ACOT11: variants seen among roughly 807,000 people sequenced by gnomAD.
ACOT11 encodes acyl-coenzyme A thioesterase 11.
A neutral mutation model predicts 77.5 loss-of-function variants in ACOT11; 69 were observed. The ratio of observed to expected loss-of-function variants is 0.89; its 90% confidence interval spans 0.73 to 1.09. The LOEUF is 1.09. ACOT11 is among the 50% of genes least tolerant of loss of function. The probability of loss-of-function intolerance (pLI) is 0.00; values close to 1 mark genes in which losing one functional copy is unlikely to be tolerated. For synonymous variants in ACOT11, 279 were observed against 313.0 expected (o/e 0.89, Z 1.15); for missense variants, 766 against 813.7 (o/e 0.94, Z 0.71).
intron 2 of ACOT11, 65 bp from the exon 3 acceptor site, chr1:54,585,770 C>A: frequency 6.4e-7 from 1 of 1,560,012 alleles, no homozygotes; most frequent in South Asian, 1.1e-5. Context: ...GAGGAGGTGC[C>A]ATCTGAGCAG....
At chr1:54,618,247 T>C (rs1644195569) in intron 15 of ACOT11, among the ~76,000 whole-genome samples, 1 of 152,138 alleles carries the variant, frequency 6.6e-6, no homozygotes, top group South Asian at 2.1e-4. Flanking sequence ...CTCAGACCTG[T>C]AATCCTAGCA....
At chr1:54,620,039 T>A (rs1464066362) in intron 15 of ACOT11, 1 of 1,607,732 alleles carries the variant, frequency 6.2e-7, no homozygotes. Context: ...TGTTAGCGTC[T>A]GTCCTCGCCC....
chr1:54,560,321 AG>A (rs1653422615), intron 1 of ACOT11, among the ~76,000 whole-genome samples: 1 of 152,136 alleles, frequency 6.6e-6, no homozygotes. Flanking sequence ...TTTCTGGGTT[AG>A]GAAGAATGAT....
At chr1:54,587,732 T>G (rs1219555898) in intron 3 of ACOT11, among the ~76,000 whole-genome samples, 1 of 150,586 alleles carries the variant, frequency 6.6e-6, no homozygotes, top group Non-Finnish European at 1.5e-5. Flanking sequence ...CAGCTAATTT[T>G]TGTATTTTTA....
At chr1:54,561,910 G>T (rs1411792134) in intron 1 of ACOT11, among the ~76,000 whole-genome samples, 1 of 108,340 alleles carries the variant, frequency 9.2e-6, no homozygotes, top group East Asian at 2.8e-4. Context: ...GGGCAGGGGG[G>T]CTGACCCCCC....
At chr1:54,562,261 C>G (rs1236055980) in intron 1 of ACOT11, among the ~76,000 whole-genome samples, 1 of 103,244 alleles carries the variant, frequency 9.7e-6, no homozygotes. Flanking sequence ...GCTGGCCAGG[C>G]GGGGGGCTGA....
intron 11 of ACOT11, among the ~76,000 whole-genome samples, 159 bp downstream of exon 11, chr1:54,604,096 T>C (rs1643996649): frequency 1.3e-5 from 2 of 152,102 alleles, no homozygotes; most frequent in African/African-American, 4.8e-5. Flanking sequence ...TGCGTCCCTG[T>C]TTGGTAGGTG....
chr1:54,582,492 CAAGGCA>C, intron 1 of ACOT11: 1 of 985,406 alleles, frequency 1.0e-6, no homozygotes. Flanking sequence ...AACCAGTGAG[CAAGGCA>C]CAGGTCCTGG....
rs1294729570 is a variant in ACOT11 at position 54,609,283 on chromosome 1, A to G, written c.*171A>G. ...CCCTGGGTGCTCAGTTTCTACCAAC[A>G]TGAGCCAGCAAGTCCTTGTGGTAGC... On this transcript the variant is annotated 3_prime_UTR_variant, in exon 16 of 16. Transcript: ENST00000343744. 1.2e-6 allele frequency: 2 copies of G among 1,605,924 alleles called. No individual in the cohort carries two copies. Among genetic ancestry groups the G allele is most frequent in the Non-Finnish European group, 8.5e-7 (1 of 1,174,160 alleles).
chr1:54,594,102 T>C, intron 5 of ACOT11, 63 bp downstream of exon 5: 1 of 1,483,228 alleles, frequency 6.7e-7, no homozygotes, highest in Non-Finnish European at 9.3e-7. Flanking sequence ...CCATGGCGAG[T>C]CTGGCTCAGG....
chr1:54,609,104 A>G lies in ACOT11; in HGVS notation c.1777A>G (p.Thr593Ala). The G allele has an allele frequency of 1.2e-6, 2 of 1,613,816 alleles. No individual in the cohort carries two copies. The highest frequency in any genetic ancestry group is 4.5e-5 in the East Asian group (2 of 44,878). Reference protein sequence around the residue: ...NRNDLAPSLQTL With the variant: ...NRNDLAPSLQAL Reference sequence around the variant, plus strand: ...GAATGATCTGGCCCCCAGCCTCCAGACCCTCTAGATGCCCTCAGTGGCCAC... The same window carrying G: ...GAATGATCTGGCCCCCAGCCTCCAGGCCCTCTAGATGCCCTCAGTGGCCAC... The change falls in exon 16 of 16, where the codon ACC (threonine) becomes GCC (alanine). Residue 593 changes from threonine (T) to alanine (A), a missense_variant. Transcript: ENST00000343744.
At chr1:54,592,643 G>T in intron 4 of ACOT11, 37 bp downstream of exon 4, 1 of 1,606,866 alleles carries the variant, frequency 6.2e-7, no homozygotes, top group South Asian at 1.1e-5. Context: ...GTGGGTGCGT[G>T]GGTGGGTCCT....
chr1:54,563,975 A>G lies in ACOT11; in HGVS notation c.33+15633A>G, dbSNP rs540829710. On this transcript the variant is annotated intron_variant, in intron 1 of 15. Transcript: ENST00000343744. ...CAGCTACTCGGGAGGCTGAGGCAGG[A>G]GAATCGCTTGAACCCAGAAGGCGGA... Among the ~76,000 whole-genome samples the G allele has an allele frequency of 4.0e-5, 6 of 151,888 alleles. No individual in the cohort carries two copies. The South Asian group carries it at 1.2e-3, about 32-fold the overall frequency.
chr1:54,618,094 G>T (rs1477128061), intron 15 of ACOT11, among the ~76,000 whole-genome samples: 1 of 151,896 alleles, frequency 6.6e-6, no homozygotes, highest in African/African-American at 2.4e-5. Flanking sequence ...CCACACGTTG[G>T]GTAGCAAGGC....
chr1:54,605,170 C>T lies in ACOT11; in HGVS notation c.1331C>T (p.Ser444Leu), dbSNP rs1247004367. 26 of 1,613,716 alleles carry T rather than the reference C, an allele frequency of 1.6e-5. No homozygotes were observed. The highest frequency in any genetic ancestry group is 4.0e-5 in the African/African-American group (3 of 74,932). The change falls in exon 13 of 16, where the codon TCG becomes TTG. Residue 444 changes from serine to leucine, a missense_variant. Transcript: ENST00000343744. ...GCAGCCCAGGCCTTCCTGCTGCTCT[C>T]GGACCTGCGTCAGAGGCCAGAGTGG... is the stretch of plus-strand genomic sequence containing the variant. ...VDAAQAFLLL[S>L]DLRQRPEWDK...
At chr1:54,611,235 A>C (rs1464731518), downstream of ACOT11, among the ~76,000 whole-genome samples, 1 of 152,034 alleles carries the variant, frequency 6.6e-6, no homozygotes, top group Non-Finnish European at 1.5e-5. Flanking sequence ...GAAGTTCGAG[A>C]CCAGCCTGGC....
rs530036517 is a variant in ACOT11 at position 54,607,524 on chromosome 1, C to G, written c.1502+259C>G. 6.6e-6 allele frequency among the ~76,000 whole-genome samples: 1 copy of G among 152,106 alleles called. No homozygotes were observed. Among genetic ancestry groups the G allele is most frequent in the African/African-American group, 2.4e-5 (1 of 41,412 alleles). On this transcript the variant is annotated intron_variant, in intron 14 of 15. Coordinates refer to ENST00000343744, the MANE Select transcript of ACOT11 (RefSeq NM_147161.4). This position sits in a 1 kb window ranked among gnomAD's most constrained non-coding sequence, Gnocchi z 4.5. ...TTACCCAGGGTGGCTCAGGCTGCCTCGATGCAGGCCTTGGGCAGGATATTT... is the reference window on the plus strand; with the variant it reads ...TTACCCAGGGTGGCTCAGGCTGCCTGGATGCAGGCCTTGGGCAGGATATTT...
At chr1:54,604,251 C>G in intron 11 of ACOT11, 95 bp from the exon 12 acceptor site, 1 of 1,197,912 alleles carries the variant, frequency 8.3e-7, no homozygotes, top group African/African-American at 1.5e-5. Flanking sequence ...CAACCCATTC[C>G]TGGCCCAGGT....
At chr1:54,635,580 C>A in exon 17 of ACOT11, 1 of 212,638 alleles carries the variant, frequency 4.7e-6, no homozygotes, top group Non-Finnish European at 9.2e-6. Context: ...GGCAACCTGA[C>A]CTTAATGCCA....
Sources: allele counts gnomAD v4.1 joint callset (sites outside exome capture counted in the v4.1 genomes callset), GRCh38; gene constraint gnomAD v4.1.1; non-coding constraint Gnocchi (gnomAD v3.1); transcripts MANE v1.5; gene names NCBI Gene and HGNC (gene_info 2026-07-23, HGNC 2026-07-21).